The following TECTA variants were observed in gnomAD, a reference collection of about 807,000 sequenced individuals.
TECTA encodes tectorin alpha.
TECTA carries 128 observed loss-of-function variants against 216.8 expected under a neutral mutation model. The ratio of observed to expected loss-of-function variants is 0.59; its 90% CI spans 0.51 to 0.68. The LOEUF (loss-of-function observed/expected upper bound fraction) is 0.68, where lower values mean the gene tolerates loss of function less well. Among genes scored for constraint, TECTA ranks in the 30% least tolerant of loss-of-function variants. The pLI is 0.00. For missense variants in TECTA, 2,551 were observed against 2,786.2 expected (o/e 0.92, Z 1.90); for synonymous variants, 1,089 against 1,117.1 (o/e 0.97, Z 0.50).
intron 20 of TECTA, among the ~76,000 whole-genome samples, chr11:121,184,354 T>C (rs1947260495): frequency 6.6e-6 from 1 of 152,208 alleles, no homozygotes; most frequent in Admixed American, 6.5e-5. Flanking sequence ...CACATTCTTA[T>C]AGCATTGTAA....
At chr11:121,151,178 C>T (rs1196819169) in intron 12 of TECTA, among the ~76,000 whole-genome samples, 1 of 152,170 alleles carries the variant, frequency 6.6e-6, no homozygotes, top group African/African-American at 2.4e-5. Flanking sequence ...ATAAGACAAT[C>T]AAGGAGAGTG....
chr11:121,118,852 C>T (rs1946527702), intron 7 of TECTA, 134 bp downstream of exon 7: 1 of 1,198,166 alleles, frequency 8.3e-7, no homozygotes, highest in Admixed American at 2.0e-5. Flanking sequence ...CTCTCCCCGC[C>T]TTGCAAATAG....
intron 19 of TECTA, 99 bp from the exon 20 acceptor site, chr11:121,168,578 T>C (rs781479877): frequency 1.2e-4 from 196 of 1,587,052 alleles, no homozygotes; most frequent in Non-Finnish European, 1.3e-4. Flanking sequence ...TGCTACTACG[T>C]GCTTTGCTTT....
chr11:121,152,105 G>T (rs1946895956), intron 12 of TECTA, among the ~76,000 whole-genome samples: 1 of 152,212 alleles, frequency 6.6e-6, no homozygotes, highest in Non-Finnish European at 1.5e-5. Context: ...TCTTATAGCT[G>T]GTTCCAGAGC....
intron 20 of TECTA, among the ~76,000 whole-genome samples, chr11:121,172,891 T>A (rs2134201542): frequency 6.6e-6 from 1 of 150,758 alleles, no homozygotes; most frequent in East Asian, 1.9e-4. Context: ...CTAACTGGTG[T>A]GAGATGGTAT....
chr11:121,181,383 T>C (rs1451657878), intron 20 of TECTA, among the ~76,000 whole-genome samples: 1 of 152,014 alleles, frequency 6.6e-6, no homozygotes, highest in East Asian at 1.9e-4. Flanking sequence ...TTCTTTAATA[T>C]CATTATATTG....
At chr11:121,134,706 C>G (rs1946709084) in intron 10 of TECTA, among the ~76,000 whole-genome samples, 3 of 152,162 alleles carry the variant, frequency 2.0e-5, no homozygotes, top group African/African-American at 7.2e-5. Flanking sequence ...TGCCGAGTCT[C>G]CCCTATACCA....
intron 10 of TECTA, 123 bp from the exon 11 acceptor site, chr11:121,137,298 G>C (rs1946738880): frequency 7.8e-7 from 1 of 1,287,776 alleles, no homozygotes; most frequent in Admixed American, 1.7e-5. Flanking sequence ...ACAAATGCAT[G>C]CATGCACACA....
At chr11:121,161,389 A>T (rs1946996397) in intron 15 of TECTA, among the ~76,000 whole-genome samples, 1 of 152,066 alleles carries the variant, frequency 6.6e-6, no homozygotes, top group African/African-American at 2.4e-5. Context: ...ATCGACCTAC[A>T]GATAGAAAAG....
At chr11:121,146,219 C>A in intron 12 of TECTA, 103 bp downstream of exon 12, 3 of 1,390,084 alleles carry the variant, frequency 2.2e-6, no homozygotes, top group Non-Finnish European at 3.0e-6. Context: ...AATTGAGTAG[C>A]AATTTAAGGA....
chr11:121,137,317 C>A, intron 10 of TECTA, 104 bp from the exon 11 acceptor site: 1 of 1,455,372 alleles, frequency 6.9e-7, no homozygotes, highest in Non-Finnish European at 9.6e-7. Context: ...CACGCACATG[C>A]ACTCACAAAC....
At chr11:121,166,415 A>G (rs1270144442) in intron 17 of TECTA, among the ~76,000 whole-genome samples, 163 bp from the exon 18 acceptor site, 3 of 152,202 alleles carry the variant, frequency 2.0e-5, no homozygotes, top group Non-Finnish European at 1.5e-5. Flanking sequence ...GAATGAATTC[A>G]TATGCTCATT....
intron 11 of TECTA, among the ~76,000 whole-genome samples, chr11:121,140,728 C>G (rs549555754): frequency 6.6e-6 from 1 of 152,158 alleles, no homozygotes; most frequent in Non-Finnish European, 1.5e-5. Flanking sequence ...GCAGCATAAA[C>G]TCCAGTCTCT....
intron 17 of TECTA, among the ~76,000 whole-genome samples, chr11:121,165,801 A>G (rs1947047535): frequency 6.6e-6 from 1 of 152,256 alleles, no homozygotes; most frequent in African/African-American, 2.4e-5. Flanking sequence ...ATAAATAACT[A>G]GGACTCCAGG....
chr11:121,137,758 A>T lies in TECTA; in HGVS notation c.3279A>T (p.Gln1093His), dbSNP rs745822211. ...AGGAAGGTGGCCTGTACTACTGCCA[A>T]GCCCGCACCGACGCCTCCTGCATCG... is the stretch of plus-strand genomic sequence containing the variant. ...CMEEGGLYYC[Q>H]ARTDASCIVS... Residue 1093 changes from glutamine to histidine, a missense_variant, in exon 11 of 24, where the codon CAA (glutamine) becomes CAT (histidine). Coordinates refer to ENST00000392793, the MANE Select transcript of TECTA (RefSeq NM_005422.4). The T allele has an allele frequency of 1.9e-6, 3 of 1,614,176 alleles. No individual in the cohort carries two copies. The highest frequency in any genetic ancestry group is 1.6e-4 in the Middle Eastern group (1 of 6,062).
intron 20 of TECTA, among the ~76,000 whole-genome samples, chr11:121,174,336 A>G (rs11500873): frequency 0.25 from 37,397 of 149,188 alleles, 5,725 homozygotes; most frequent in African/African-American, 0.43. Flanking sequence ...TTAGTCATAG[A>G]TAGCTCTTAT....
intron 2 of TECTA, among the ~76,000 whole-genome samples, chr11:121,104,624 A>G (rs1043551628): frequency 1.3e-5 from 2 of 152,120 alleles, no homozygotes; most frequent in Admixed American, 6.5e-5. Flanking sequence ...TCTCTTTTAC[A>G]TGAGCTGTTG....
chr11:121,184,793 C>T (rs915492661), intron 20 of TECTA, among the ~76,000 whole-genome samples: 3 of 152,180 alleles, frequency 2.0e-5, no homozygotes, highest in African/African-American at 7.2e-5. Context: ...CAGCAAAGAC[C>T]TCACTAAGGT....
intron 11 of TECTA, among the ~76,000 whole-genome samples, chr11:121,143,094 T>C (rs1462445599): frequency 6.6e-6 from 1 of 152,222 alleles, no homozygotes; most frequent in African/African-American, 2.4e-5. Context: ...TCTGGCCTCA[T>C]CTTCCTACTT....
Sources: allele counts gnomAD v4.1 joint callset (sites outside exome capture counted in the v4.1 genomes callset), GRCh38; gene constraint gnomAD v4.1.1; transcripts MANE v1.5; gene names NCBI Gene and HGNC (gene_info 2026-07-23, HGNC 2026-07-21).